The following GALNTL6 variants were observed in gnomAD, a reference collection of about 807,000 sequenced individuals.
GALNTL6 encodes polypeptide N-acetylgalactosaminyltransferase-like 6.
GALNTL6 carries 46 observed loss-of-function variants against 73.7 expected under a neutral mutation model. The observed-to-expected ratio is 0.62, with a 90% CI of 0.49 to 0.80. The LOEUF is 0.80. GALNTL6 is among the 30% of genes least tolerant of loss of function. GALNTL6 has a pLI of 0.00. For missense variants in GALNTL6, 604 were observed against 755.0 expected (o/e 0.80, Z 2.34); for synonymous variants, 259 against 263.7 (o/e 0.98, Z 0.17).
chr4:172,085,209 T>G (rs1377466124), intron 2 of GALNTL6, among the ~76,000 whole-genome samples: 1 of 152,186 alleles, frequency 6.6e-6, no homozygotes, highest in Non-Finnish European at 1.5e-5. Flanking sequence ...ACCCATATTT[T>G]GTTGAAGTTC....
intron 2 of GALNTL6, among the ~76,000 whole-genome samples, chr4:172,160,173 C>CGTGTGCGT (rs1734408734): frequency 6.6e-6 from 1 of 151,354 alleles, no homozygotes; most frequent in Non-Finnish European, 1.5e-5. Context: ...AGTGTGTGTG[C>CGTGTGCGT]GTGTGCGTGT....
At chr4:171,962,572 C>A (rs972191744) in intron 2 of GALNTL6, among the ~76,000 whole-genome samples, 28 of 152,042 alleles carry the variant, frequency 1.8e-4, no homozygotes, top group African/African-American at 6.8e-4. Context: ...TATGTTTGGT[C>A]TAAAAAGGGG....
chr4:171,873,175 A>G (rs769970776), intron 2 of GALNTL6, among the ~76,000 whole-genome samples: 26 of 152,186 alleles, frequency 1.7e-4, no homozygotes, highest in Admixed American at 2.6e-4. Flanking sequence ...CCTTTGTTCT[A>G]TATTTTAAAC....
At chr4:172,017,193 G>A (rs969643722) in intron 2 of GALNTL6, among the ~76,000 whole-genome samples, 19 of 152,112 alleles carry the variant, frequency 1.2e-4, no homozygotes, top group Non-Finnish European at 2.9e-5. Flanking sequence ...GATGTGCTGA[G>A]GTTTTATCAG....
chr4:172,728,751 T>C (rs1735979113), intron 5 of GALNTL6, among the ~76,000 whole-genome samples: 1 of 152,206 alleles, frequency 6.6e-6, no homozygotes, highest in South Asian at 2.1e-4. Flanking sequence ...CGTAGTAGAA[T>C]TGCTAGACAA....
chr4:172,907,365 T>C (rs1182475572), intron 8 of GALNTL6, among the ~76,000 whole-genome samples: 1 of 152,172 alleles, frequency 6.6e-6, no homozygotes, highest in East Asian at 1.9e-4. Context: ...ATGGTAATCA[T>C]AAATATAATA....
At chr4:172,854,227 C>G (rs139702148) in intron 7 of GALNTL6, among the ~76,000 whole-genome samples, 2 of 152,290 alleles carry the variant, frequency 1.3e-5, no homozygotes, top group African/African-American at 4.8e-5. Flanking sequence ...TGGCCCATAT[C>G]CTACTCTAAA....
chr4:172,881,650 T>A (rs1377942115), intron 7 of GALNTL6, among the ~76,000 whole-genome samples: 1 of 152,240 alleles, frequency 6.6e-6, no homozygotes, highest in Non-Finnish European at 1.5e-5. Context: ...TATCTTTTTG[T>A]GTATATCAAC....
intron 5 of GALNTL6, among the ~76,000 whole-genome samples, chr4:172,355,269 T>C (rs905636141): frequency 6.6e-6 from 1 of 152,082 alleles, no homozygotes; most frequent in Non-Finnish European, 1.5e-5. Context: ...TTTACAAAGA[T>C]ATATTTGCTG....
intron 10 of GALNTL6, among the ~76,000 whole-genome samples, chr4:172,996,177 C>T (rs1751770540): frequency 6.6e-6 from 1 of 151,962 alleles, no homozygotes; most frequent in South Asian, 2.1e-4. Context: ...CACACACACA[C>T]ACACACACAC....
At chr4:171,828,621 GTTGT>G (rs1338534644) in intron 2 of GALNTL6, among the ~76,000 whole-genome samples, 6 of 151,926 alleles carry the variant, frequency 3.9e-5, no homozygotes, top group African/African-American at 1.4e-4. Flanking sequence ...TGCCTTTTTT[GTTGT>G]TTGTTTGTTT....
intron 4 of GALNTL6, among the ~76,000 whole-genome samples, chr4:172,323,942 C>T (rs1740847596): frequency 6.6e-6 from 1 of 152,010 alleles, no homozygotes; most frequent in Non-Finnish European, 1.5e-5. Context: ...ATAAAACTGA[C>T]TGTAAATGAG....
intron 5 of GALNTL6, among the ~76,000 whole-genome samples, chr4:172,758,765 TC>T (rs1358978637): frequency 6.6e-6 from 1 of 152,204 alleles, no homozygotes; most frequent in African/African-American, 2.4e-5. Flanking sequence ...CATCCCTTGG[TC>T]CAGCATATCC....
At chr4:172,122,431 A>AG (rs1733177052) in intron 2 of GALNTL6, among the ~76,000 whole-genome samples, 2 of 152,190 alleles carry the variant, frequency 1.3e-5, no homozygotes, top group Non-Finnish European at 2.9e-5. Flanking sequence ...TTATGGCACC[A>AG]GGCAGTTTGG....
At chr4:172,290,845 T>G (rs1739444683) in intron 3 of GALNTL6, among the ~76,000 whole-genome samples, 1 of 151,578 alleles carries the variant, frequency 6.6e-6, no homozygotes, top group South Asian at 2.1e-4. Flanking sequence ...TAATTAATTT[T>G]TAACACAAAG....
intron 2 of GALNTL6, among the ~76,000 whole-genome samples, chr4:171,925,494 G>A (rs7696165): frequency 0.042 from 6,439 of 152,150 alleles, 392 homozygotes; most frequent in African/African-American, 0.14. Context: ...AGAATTTGGG[G>A]AAAAAACTAG....
rs370079123 is a variant in GALNTL6, at chr4:172,212,123, T to C, written c.139-17533T>C. ...TGATACATTAATATGGTTAGATTTCTTCATATTCCATTCTGAAATTCCCTG... is the reference window on the plus strand; with the variant it reads ...TGATACATTAATATGGTTAGATTTCCTCATATTCCATTCTGAAATTCCCTG... On this transcript the variant is annotated intron_variant, in intron 2 of 12. Transcript: ENST00000506823. 2.3e-4 allele frequency among the ~76,000 whole-genome samples: 35 copies of C among 152,316 alleles called. No homozygotes were observed. In the East Asian group the frequency reaches 6.8e-3, roughly 29 times the overall value.
chr4:172,415,664 A>G (rs1422552823), intron 5 of GALNTL6, among the ~76,000 whole-genome samples: 1 of 152,056 alleles, frequency 6.6e-6, no homozygotes, highest in Non-Finnish European at 1.5e-5. Context: ...TTCAGCTGGG[A>G]GCATCCGCGG....
At chr4:172,982,337 C>T (rs1751102627) in intron 10 of GALNTL6, among the ~76,000 whole-genome samples, 1 of 152,170 alleles carries the variant, frequency 6.6e-6, no homozygotes, top group Admixed American at 6.5e-5. Flanking sequence ...AGAATAAAGC[C>T]AAGGAGCTAA....
Sources: gnomAD v4.1 joint callset for allele counts (sites outside exome capture counted in the v4.1 genomes callset) on GRCh38, gnomAD v4.1.1 for gene constraint, MANE v1.5 for transcripts, NCBI Gene and HGNC (gene_info 2026-07-23, HGNC 2026-07-21) for gene names.